Variants in MAP3K5 observed in about 807,000 individuals in gnomAD.
The protein encoded by MAP3K5 is ASK-1.
In MAP3K5, 56 loss-of-function variants were observed where a neutral mutation model predicts 158.7. That is an observed-to-expected ratio of 0.35 (90% CI 0.28 to 0.44). MAP3K5 has a LOEUF of 0.44. Ranked by LOEUF, MAP3K5 falls within the 20% of genes least tolerant of loss-of-function variation. MAP3K5 has a pLI of 1.00. For synonymous variants in MAP3K5, 579 were observed against 601.7 expected (o/e 0.96, Z 0.55); for missense variants, 1,294 against 1,674.8 (o/e 0.77, Z 3.97).
At chr6:136,792,972 C>G (rs563247440), upstream of MAP3K5, among the ~76,000 whole-genome samples, 3 of 152,316 alleles carry the variant, frequency 2.0e-5, no homozygotes, top group African/African-American at 7.2e-5. This position sits in a 1 kb window ranked among gnomAD's most constrained non-coding sequence, Gnocchi z 5.7. Context: ...GACCCCAGCC[C>G]TCCTCTGAGT....
At chr6:136,783,574 C>G (rs1379972833) in intron 1 of MAP3K5, among the ~76,000 whole-genome samples, 2 of 152,256 alleles carry the variant, frequency 1.3e-5, no homozygotes, top group East Asian at 3.9e-4. Flanking sequence ...CAACACTGCC[C>G]ACCTCCACCA....
intron 1 of MAP3K5, among the ~76,000 whole-genome samples, chr6:136,734,077 T>C (rs1782345170): frequency 6.6e-6 from 1 of 152,048 alleles, no homozygotes; most frequent in South Asian, 2.1e-4. Flanking sequence ...TAAGTCAAAA[T>C]GAACCGTAAA....
rs1830334796 is a variant in MAP3K5 at position 136,558,156 on chromosome 6, A to G, written c.4065-338T>C. Among the ~76,000 whole-genome samples the G allele has an allele frequency of 2.0e-5, 3 of 152,238 alleles. No individual in the cohort carries two copies. In the South Asian group the frequency reaches 6.2e-4, roughly 31 times the overall value. ...CACTTTAGAAGGCCGAGGCAGGCAG[A>G]TCACGTGGTCAGGAGATCGAGACCA... On this transcript the variant is annotated intron_variant, in intron 29 of 29. Transcript: ENST00000359015.
chr6:136,676,938 C>G (rs1779729310), intron 7 of MAP3K5, among the ~76,000 whole-genome samples: 1 of 150,832 alleles, frequency 6.6e-6, no homozygotes, highest in Admixed American at 6.6e-5. Context: ...ATTACAGGTG[C>G]ACGCCACCAC....
At position 136,580,371 on chromosome 6, in the gene MAP3K5, C is replaced by A. The variant is rs148626721; in HGVS notation, c.3447G>T (p.Pro1149=). Residue 1149 remains proline, a synonymous_variant, in exon 25 of 30, where the codon CCG becomes CCT. Coordinates refer to ENST00000359015, the MANE Select transcript of MAP3K5 (RefSeq NM_005923.4). ...TACTGTCTAAGGCAAACATCCAGTGCGGCTTGATGTTATGATTCCGAAGAA... is the reference window on the plus strand; with the variant it reads ...TACTGTCTAAGGCAAACATCCAGTGAGGCTTGATGTTATGATTCCGAAGAA... ...NKVLRNHNIK[P]HWMFALDSII... is the part of the protein sequence containing the mutation. The A allele has an allele frequency of 5.6e-6, 9 of 1,612,766 alleles. No individual in the cohort carries two copies. The highest frequency in any genetic ancestry group is 2.2e-5 in the East Asian group (1 of 44,852).
chr6:136,605,154 T>G, intron 19 of MAP3K5, 55 bp downstream of exon 19: 1 of 1,562,800 alleles, frequency 6.4e-7, no homozygotes, highest in Non-Finnish European at 8.7e-7. Flanking sequence ...ACACAGAACA[T>G]CCAACAGCTA....
chr6:136,657,995 C>T (rs1261748162), intron 9 of MAP3K5, among the ~76,000 whole-genome samples: 2 of 152,192 alleles, frequency 1.3e-5, no homozygotes, highest in Non-Finnish European at 2.9e-5. Context: ...GATTTCAGTG[C>T]AGGAGAAGTG....
intron 18 of MAP3K5, among the ~76,000 whole-genome samples, chr6:136,610,668 G>A (rs1298854787): frequency 2.2e-5 from 3 of 136,172 alleles, no homozygotes; most frequent in Admixed American, 7.4e-5. Context: ...TACATGAAAA[G>A]AAAAATAAGT....
At chr6:136,694,048 T>C in intron 7 of MAP3K5, 92 bp downstream of exon 7, 1 of 943,746 alleles carries the variant, frequency 1.1e-6, no homozygotes, top group Admixed American at 2.4e-5. Context: ...ATCTTATGGA[T>C]TATAATAATA....
chr6:136,671,309 T>C (rs75443301), intron 7 of MAP3K5, among the ~76,000 whole-genome samples: 111 of 152,314 alleles, frequency 7.3e-4, no homozygotes, highest in Non-Finnish European at 1.3e-3. Context: ...TCTGTTTTTC[T>C]GTTACCACAA....
intron 1 of MAP3K5, among the ~76,000 whole-genome samples, chr6:136,736,812 C>T (rs1326648610): frequency 6.6e-6 from 1 of 151,394 alleles, no homozygotes; most frequent in Admixed American, 6.6e-5. Context: ...GTAGCTGAGA[C>T]TACAGGCATG....
intron 25 of MAP3K5, among the ~76,000 whole-genome samples, chr6:136,578,946 G>A (rs1169420282): frequency 4.0e-5 from 6 of 151,770 alleles, no homozygotes; most frequent in Non-Finnish European, 8.8e-5. Flanking sequence ...CGAGGCGGGA[G>A]GACAGCTTGA....
intron 26 of MAP3K5, among the ~76,000 whole-genome samples, chr6:136,565,884 G>C (rs1182236782): frequency 6.6e-6 from 1 of 152,186 alleles, no homozygotes; most frequent in Non-Finnish European, 1.5e-5. Context: ...AAACGAGGCT[G>C]ATTATCTGTA....
intron 1 of MAP3K5, among the ~76,000 whole-genome samples, chr6:136,777,390 C>T (rs1190774899): frequency 2.0e-5 from 3 of 152,138 alleles, no homozygotes; most frequent in Admixed American, 6.5e-5. Context: ...ACAGGGTCTC[C>T]GTTTGCCCAG....
chr6:136,783,778 T>C (rs1158542740), intron 1 of MAP3K5, among the ~76,000 whole-genome samples: 2 of 152,212 alleles, frequency 1.3e-5, no homozygotes, highest in Non-Finnish European at 2.9e-5. Flanking sequence ...CATTTTCCTA[T>C]GGTTCTCTAC....
At position 136,791,757 on chromosome 6, in the gene MAP3K5, T is replaced by A; in HGVS notation, c.401A>T (p.Lys134Ile). 1 of 1,613,416 alleles carries A rather than the reference T, an allele frequency of 6.2e-7. No individual in the cohort carries two copies. The highest frequency in any genetic ancestry group is 1.3e-5 in the African/African-American group (1 of 75,054). ...CACGGTGGTTTCTCCAAAGTCGAGTTTCCCAAAATGCAGGGTTTCCAGGGT... is the reference window on the plus strand; with the variant it reads ...CACGGTGGTTTCTCCAAAGTCGAGTATCCCAAAATGCAGGGTTTCCAGGGT... ...GATLETLHFG[K>I]LDFGETTVLD... Residue 134 changes from lysine to isoleucine, a missense_variant, in exon 1 of 30, where the codon AAA becomes ATA. Around this residue, in one of 5 missense-constraint regions of MAP3K5, gnomAD observed 690 missense variants for 870.5 expected, o/e 0.79. Coordinates refer to ENST00000359015, the MANE Select transcript of MAP3K5 (RefSeq NM_005923.4).
chr6:136,635,128 TA>T (rs758234854), intron 14 of MAP3K5, among the ~76,000 whole-genome samples: 8,352 of 129,532 alleles, frequency 0.064, 692 homozygotes, highest in African/African-American at 0.2. Context: ...ATCTCTGGTT[TA>T]AAAAAAAAAA....
intron 14 of MAP3K5, among the ~76,000 whole-genome samples, chr6:136,626,050 G>A (rs538502536): frequency 1.5e-4 from 23 of 152,258 alleles, no homozygotes; most frequent in African/African-American, 4.6e-4. Flanking sequence ...AAGACAAAAA[G>A]ATCATAAAAG....
chr6:136,561,452 C>T, intron 28 of MAP3K5, 81 bp downstream of exon 28: 1 of 1,004,836 alleles, frequency 1.0e-6, no homozygotes, highest in Non-Finnish European at 1.6e-6. Context: ...CCAGTGTATC[C>T]CCTGTGCCTG....
Sources: allele counts gnomAD v4.1 joint callset (sites outside exome capture counted in the v4.1 genomes callset), GRCh38; gene constraint gnomAD v4.1.1; regional missense constraint gnomAD v4.1.1; non-coding constraint Gnocchi (gnomAD v3.1); transcripts MANE v1.5; gene names NCBI Gene and HGNC (gene_info 2026-07-23, HGNC 2026-07-21).